ABCA12: variants seen among roughly 807,000 people sequenced by gnomAD.
ABCA12 encodes ATP binding cassette subfamily A member 12.
In ABCA12, 156 loss-of-function variants were observed where a neutral mutation model predicts 293.5. The ratio of observed to expected loss-of-function variants is 0.53; its 90% confidence interval spans 0.47 to 0.61. ABCA12 has a LOEUF of 0.61. Ranked by LOEUF, ABCA12 falls within the 20% of genes least tolerant of loss-of-function variation. ABCA12 has a pLI of 0.00. For synonymous variants in ABCA12, 1,063 were observed against 1,108.0 expected, an observed-to-expected ratio of 0.96 and a Z score of 0.81; for missense variants, 2,797 against 3,090.2, an observed-to-expected ratio of 0.91 and a Z score of 2.25.
At chr2:215,119,734 T>TAAAAAAAAAAAAAAAAAAGAAAAAA (rs386654995) in intron 1 of ABCA12, among the ~76,000 whole-genome samples, 1 of 75,608 alleles carries the variant, frequency 1.3e-5, no homozygotes, top group African/African-American at 3.8e-5. Flanking sequence ...CATTAAAAAG[T>TAAAAAAAAAAAAAAAAAAGAAAAAA]AAAAAAAAAA....
intron 39 of ABCA12, among the ~76,000 whole-genome samples, chr2:214,965,351 AG>A (rs760605688): frequency 2.0e-5 from 3 of 152,180 alleles, no homozygotes; most frequent in Non-Finnish European, 2.9e-5. Flanking sequence ...CCAAAAACAA[AG>A]CAATTGCAAC....
At chr2:215,059,225 G>C (rs1701479739) in intron 3 of ABCA12, among the ~76,000 whole-genome samples, 1 of 152,022 alleles carries the variant, frequency 6.6e-6, no homozygotes, top group African/African-American at 2.4e-5. Flanking sequence ...GTCTAGTTCT[G>C]ATCCCACTTC....
At chr2:215,114,449 G>A (rs1020318033) in intron 1 of ABCA12, among the ~76,000 whole-genome samples, 7 of 152,042 alleles carry the variant, frequency 4.6e-5, no homozygotes, top group Non-Finnish European at 1.0e-4. Context: ...ACTCTTTTTT[G>A]TATTCTCTGG....
chr2:215,083,257 G>C (rs1701977858), intron 2 of ABCA12, among the ~76,000 whole-genome samples: 1 of 152,172 alleles, frequency 6.6e-6, no homozygotes, highest in Non-Finnish European at 1.5e-5. Context: ...GCAACACCTA[G>C]AGTCACCCAG....
At chr2:215,038,192 A>C (rs756527402) in intron 7 of ABCA12, among the ~76,000 whole-genome samples, 8 of 152,194 alleles carry the variant, frequency 5.3e-5, no homozygotes, top group Non-Finnish European at 8.8e-5. Flanking sequence ...GTGTATGTTT[A>C]TAAACATACA....
intron 44 of ABCA12, among the ~76,000 whole-genome samples, chr2:214,952,345 C>T (rs1195591204): frequency 2.0e-5 from 3 of 151,864 alleles, no homozygotes; most frequent in Admixed American, 6.6e-5. Context: ...CTCAGCCTCC[C>T]GAGTAGCTGG....
intron 2 of ABCA12, among the ~76,000 whole-genome samples, chr2:215,105,355 C>T (rs1702442724): frequency 6.6e-6 from 1 of 152,074 alleles, no homozygotes. Flanking sequence ...GGACATGCAT[C>T]AACGTGGGAG....
At chr2:215,021,196 T>A (rs1417058935) in intron 11 of ABCA12, among the ~76,000 whole-genome samples, 1 of 152,198 alleles carries the variant, frequency 6.6e-6, no homozygotes, top group African/African-American at 2.4e-5. Context: ...TTTCTTGAAC[T>A]GCAGCATGAA....
intron 1 of ABCA12, among the ~76,000 whole-genome samples, chr2:215,132,918 C>A (rs1407930238): frequency 6.6e-6 from 1 of 151,934 alleles, no homozygotes; most frequent in African/African-American, 2.4e-5. Flanking sequence ...TAGGACCAGG[C>A]TAATAATGAC....
At chr2:215,079,952 A>G (rs1314247730) in intron 2 of ABCA12, among the ~76,000 whole-genome samples, 8 of 152,222 alleles carry the variant, frequency 5.3e-5, no homozygotes, top group African/African-American at 1.4e-4. Flanking sequence ...GCTACCATTT[A>G]TCGTATTCCT....
At chr2:215,079,926 G>A (rs1427263041) in intron 2 of ABCA12, among the ~76,000 whole-genome samples, 3 of 152,126 alleles carry the variant, frequency 2.0e-5, no homozygotes, top group Admixed American at 1.3e-4. Flanking sequence ...ACTGGTTGGG[G>A]ATAAATAGAC....
At chr2:214,959,176 T>C (rs778626939) in intron 39 of ABCA12, 98 bp from the exon 40 acceptor site, 2 of 1,076,676 alleles carry the variant, frequency 1.9e-6, no homozygotes, top group Non-Finnish European at 2.8e-6. Context: ...CCTTATATTA[T>C]TATCTAAACA....
rs1700732622 is a variant in ABCA12, at chr2:215,025,796, A to G, written c.1181-17T>C. On this transcript the variant is annotated splice_polypyrimidine_tract_variant and intron_variant, in intron 10 of 52. Coordinates refer to ENST00000272895, the MANE Select transcript of ABCA12 (RefSeq NM_173076.3). ...TTAGATTTTCTGTAAAGGAAGGGAGAAGAGTTACTTTATGTGAATTGCAAG... is the reference window on the plus strand; with the variant it reads ...TTAGATTTTCTGTAAAGGAAGGGAGGAGAGTTACTTTATGTGAATTGCAAG... 1 of 1,555,338 alleles carries G rather than the reference A, an allele frequency of 6.4e-7. No individual in the cohort carries two copies.
At chr2:214,995,886 G>T (rs985126851) in intron 23 of ABCA12, among the ~76,000 whole-genome samples, 4 of 152,142 alleles carry the variant, frequency 2.6e-5, no homozygotes, top group African/African-American at 9.7e-5. Context: ...GAATAATTGA[G>T]CTCCTCTGTT....
intron 1 of ABCA12, among the ~76,000 whole-genome samples, chr2:215,133,488 T>G (rs1489946550): frequency 6.6e-6 from 1 of 152,080 alleles, no homozygotes; most frequent in Non-Finnish European, 1.5e-5. Context: ...TATTATCTAG[T>G]CTTTCAGCCT....
intron 7 of ABCA12, among the ~76,000 whole-genome samples, chr2:215,037,271 T>C (rs933199654): frequency 1.1e-4 from 16 of 152,224 alleles, no homozygotes; most frequent in Admixed American, 2.0e-4. Flanking sequence ...GAGCAGTTTA[T>C]GTTTCTAGGT....
intron 7 of ABCA12, 77 bp downstream of exon 7, chr2:215,045,760 T>C: frequency 3.1e-6 from 4 of 1,311,254 alleles, no homozygotes; most frequent in Non-Finnish European, 4.3e-6. Context: ...CAGATAACAG[T>C]AATCATCACA....
chr2:214,991,908 G>C (rs1344344248), intron 23 of ABCA12, among the ~76,000 whole-genome samples: 2 of 152,140 alleles, frequency 1.3e-5, no homozygotes, highest in Non-Finnish European at 2.9e-5. Flanking sequence ...GGGAGGTATA[G>C]CATTAGGAGA....
intron 23 of ABCA12, among the ~76,000 whole-genome samples, chr2:214,992,868 AAAATAAAT>A (rs537867650): frequency 2.2e-4 from 34 of 151,950 alleles, no homozygotes; most frequent in Admixed American, 9.8e-4. Context: ...ATTCTGTCTC[AAAATAAAT>A]AAATAAATAA....
Sources: gnomAD v4.1 joint callset for allele counts (sites outside exome capture counted in the v4.1 genomes callset) on GRCh38, gnomAD v4.1.1 for gene constraint, MANE v1.5 for transcripts, NCBI Gene and HGNC (gene_info 2026-07-23, HGNC 2026-07-21) for gene names.